Variants in EYA4 observed in about 807,000 individuals in gnomAD.
EYA4 encodes the protein protein phosphatase EYA4.
In EYA4, 31 loss-of-function variants were observed where a neutral mutation model predicts 87.9. That is an observed-to-expected ratio of 0.35 (90% CI 0.27 to 0.48). EYA4 has a LOEUF of 0.48. Among genes scored for constraint, EYA4 ranks in the 20% least tolerant of loss-of-function variants. The pLI, the probability that EYA4 is intolerant of heterozygous loss-of-function variation, is 0.99. For missense variants in EYA4, 678 were observed against 761.4 expected (o/e 0.89, Z 1.29); for synonymous variants, 263 against 270.6 (o/e 0.97, Z 0.28).
At position 133,468,743 on chromosome 6, in the gene EYA4, C is replaced by T. The variant is rs1795067012; in HGVS notation, c.970+12C>T. On this transcript the variant is annotated intron_variant, in intron 11 of 19. Coordinates refer to ENST00000355286, the MANE Select transcript of EYA4 (RefSeq NM_004100.5). ...GACTAACCAACCAGGTACAGATCTTCACCCAGGTGAAATACTTTTATATGT... is the reference window on the plus strand; with the variant it reads ...GACTAACCAACCAGGTACAGATCTTTACCCAGGTGAAATACTTTTATATGT... The T allele has an allele frequency of 6.8e-6, 11 of 1,612,314 alleles. No individual in the cohort carries two copies. The highest frequency in any genetic ancestry group is 8.5e-6 in the Non-Finnish European group (10 of 1,178,722).
At chr6:133,405,100 C>A (rs572528805) in intron 3 of EYA4, among the ~76,000 whole-genome samples, 1 of 152,222 alleles carries the variant, frequency 6.6e-6, no homozygotes, top group South Asian at 2.1e-4. Flanking sequence ...CCTTTTCCAT[C>A]CACTCCTTCA....
chr6:133,293,336 AATTCACATGTAGACAAACAT>A (rs1207980101), intron 2 of EYA4, among the ~76,000 whole-genome samples: 1 of 152,092 alleles, frequency 6.6e-6, no homozygotes, highest in Non-Finnish European at 1.5e-5. Context: ...GATGCATTTT[AATTCACATGTAGACAAACAT>A]TTGATGAATT....
chr6:133,357,682 C>G (rs993754802), intron 2 of EYA4, among the ~76,000 whole-genome samples: 9 of 152,076 alleles, frequency 5.9e-5, no homozygotes, highest in Admixed American at 5.9e-4. Flanking sequence ...CCAGAAACAG[C>G]TGTCTTACTA....
chr6:133,477,577 CT>C (rs1795851236), intron 11 of EYA4, among the ~76,000 whole-genome samples: 1 of 151,910 alleles, frequency 6.6e-6, no homozygotes, highest in African/African-American at 2.4e-5. Flanking sequence ...TTATATGACT[CT>C]TTTATAAGTA....
intron 14 of EYA4, chr6:133,510,723 C>T (rs1185447255): frequency 6.3e-6 from 1 of 158,704 alleles, no homozygotes; most frequent in Non-Finnish European, 1.4e-5. Flanking sequence ...CTGCACTCTT[C>T]TCTCTCCCTT....
chr6:133,295,326 G>T (rs1778866152), intron 2 of EYA4, among the ~76,000 whole-genome samples: 1 of 152,166 alleles, frequency 6.6e-6, no homozygotes, highest in Non-Finnish European at 1.5e-5. Flanking sequence ...TACATTTGAA[G>T]CTGTATTCAA....
intron 3 of EYA4, among the ~76,000 whole-genome samples, chr6:133,438,920 T>C (rs1164018836): frequency 6.6e-6 from 1 of 151,846 alleles, no homozygotes; most frequent in Non-Finnish European, 1.5e-5. Flanking sequence ...CAGCCACCTG[T>C]AGTCCCAGCT....
At chr6:133,403,960 G>A (rs909098097) in intron 3 of EYA4, among the ~76,000 whole-genome samples, 4 of 152,048 alleles carry the variant, frequency 2.6e-5, no homozygotes, top group African/African-American at 7.2e-5. Flanking sequence ...ACAGTTGTGC[G>A]TGTGCCACCA....
At chr6:133,319,899 A>G (rs1455901750) in intron 2 of EYA4, among the ~76,000 whole-genome samples, 1 of 151,632 alleles carries the variant, frequency 6.6e-6, no homozygotes, top group Non-Finnish European at 1.5e-5. Context: ...TTGTATTTTT[A>G]GTAGAGACAG....
At chr6:133,341,464 T>C (rs1782772126) in intron 2 of EYA4, among the ~76,000 whole-genome samples, 1 of 152,204 alleles carries the variant, frequency 6.6e-6, no homozygotes, top group African/African-American at 2.4e-5. Flanking sequence ...TTCTGAGAGA[T>C]GTGGATAAAA....
In EYA4 at chr6:133,379,791, A is replaced by G. The variant is rs868132519; in HGVS notation, c.34-2601A>G. On this transcript the variant is annotated intron_variant, in intron 2 of 19. Coordinates refer to ENST00000355286, the MANE Select transcript of EYA4 (RefSeq NM_004100.5). ...TCAATGCCATCTCTGCCTTCATGGAACTTCTACTATCCGTTTTGTTGCATT... is the reference window on the plus strand; with the variant it reads ...TCAATGCCATCTCTGCCTTCATGGAGCTTCTACTATCCGTTTTGTTGCATT... Among the ~76,000 whole-genome samples the G allele has an allele frequency of 5.9e-5, 9 of 152,080 alleles. No homozygotes were observed. The Middle Eastern group carries it at 0.014, about 231-fold the overall frequency.
At chr6:133,420,595 GA>G (rs1790135779) in intron 3 of EYA4, among the ~76,000 whole-genome samples, 1 of 152,194 alleles carries the variant, frequency 6.6e-6, no homozygotes, top group Admixed American at 6.5e-5. Context: ...GTAAGACTCT[GA>G]CAGCAGGCTC....
chr6:133,452,227 T>C (rs1793516789), intron 5 of EYA4, among the ~76,000 whole-genome samples: 1 of 152,274 alleles, frequency 6.6e-6, no homozygotes, highest in South Asian at 2.1e-4. Context: ...AAAGCCTCTA[T>C]ATGTGATTTT....
At chr6:133,378,428 AATT>A (rs1162062260) in intron 2 of EYA4, among the ~76,000 whole-genome samples, 6 of 152,142 alleles carry the variant, frequency 3.9e-5, no homozygotes, top group East Asian at 1.9e-4. Flanking sequence ...AAATGGCAGT[AATT>A]ATTATTGTTA....
chr6:133,521,858 C>T (rs1270052365), intron 17 of EYA4, among the ~76,000 whole-genome samples: 2 of 136,522 alleles, frequency 1.5e-5, no homozygotes, highest in Non-Finnish European at 1.6e-5. Context: ...AGTAAACTAT[C>T]GCAAGAACAA....
At chr6:133,353,806 T>C (rs915467682) in intron 2 of EYA4, among the ~76,000 whole-genome samples, 3 of 152,192 alleles carry the variant, frequency 2.0e-5, no homozygotes, top group African/African-American at 7.2e-5. Context: ...GATCTACTTA[T>C]CTTGAGTAGT....
intron 2 of EYA4, among the ~76,000 whole-genome samples, chr6:133,295,727 C>T (rs781412155): frequency 7.2e-5 from 11 of 152,074 alleles, no homozygotes; most frequent in Non-Finnish European, 1.3e-4. Context: ...AGATCCAAAT[C>T]CAGGTCTGTC....
intron 2 of EYA4, among the ~76,000 whole-genome samples, chr6:133,287,005 A>AAAATGTCTTGAGACATTGCC (rs1778118504): frequency 6.6e-6 from 1 of 152,244 alleles, no homozygotes; most frequent in South Asian, 2.1e-4. Flanking sequence ...GTGACAATAA[A>AAAATGTCTTGAGACATTGCC]AAATGTCTTG....
chr6:133,274,186 T>C (rs1245686850), intron 1 of EYA4, among the ~76,000 whole-genome samples: 3 of 152,226 alleles, frequency 2.0e-5, no homozygotes, highest in Non-Finnish European at 2.9e-5. Context: ...TGTAATACAT[T>C]CTTTAACATA....
Sources: gnomAD v4.1 joint callset for allele counts (sites outside exome capture counted in the v4.1 genomes callset) on GRCh38, gnomAD v4.1.1 for gene constraint, MANE v1.5 for transcripts, NCBI Gene and HGNC (gene_info 2026-07-23, HGNC 2026-07-21) for gene names.